ZBBX: variants seen among roughly 807,000 people sequenced by gnomAD.
ZBBX encodes zinc finger B-box domain-containing protein 1.
ZBBX carries 101 observed loss-of-function variants against 108.5 expected under a neutral mutation model. That is an observed-to-expected ratio of 0.93 (90% confidence interval 0.79 to 1.10). The LOEUF (loss-of-function observed/expected upper bound fraction) is 1.10, where lower values mean the gene tolerates loss of function less well. Ranked by LOEUF, ZBBX falls within the 50% of genes least tolerant of loss-of-function variation. The pLI is 0.00. For missense variants in ZBBX, 1,009 were observed against 941.4 expected, an observed-to-expected ratio of 1.07 and a Z score of -0.94; for synonymous variants, 356 against 323.4, an observed-to-expected ratio of 1.10 and a Z score of -1.08.
At chr3:167,223,851 G>C in the ZBBX span, among the ~76,000 whole-genome samples, 2 of 151,770 alleles carry the variant, frequency 1.3e-5, no homozygotes, top group Admixed American at 6.6e-5. Flanking sequence ...TGTCCTTATT[G>C]CTCCACATAT....
intron 11 of ZBBX, among the ~76,000 whole-genome samples, chr3:167,325,685 C>G (rs79542997): frequency 6.6e-6 from 1 of 152,010 alleles, no homozygotes; most frequent in African/African-American, 2.4e-5. Context: ...TCATTTGACC[C>G]CACCACATAG....
At chr3:167,288,099 A>G (rs1730030266) in intron 19 of ZBBX, among the ~76,000 whole-genome samples, 1 of 152,096 alleles carries the variant, frequency 6.6e-6, no homozygotes, top group African/African-American at 2.4e-5. Context: ...CTCGGGGCCA[A>G]TCCAAGTGCT....
chr3:167,202,009 T>C, the ZBBX span, among the ~76,000 whole-genome samples: 6 of 152,118 alleles, frequency 3.9e-5, no homozygotes, highest in Non-Finnish European at 8.8e-5. Context: ...CCACTTGCAG[T>C]TTATAAAGTG....
At chr3:167,254,178 C>T (rs1723076616) in intron 20 of ZBBX, among the ~76,000 whole-genome samples, 1 of 152,122 alleles carries the variant, frequency 6.6e-6, no homozygotes, top group Non-Finnish European at 1.5e-5. Flanking sequence ...TTTTCTGGGA[C>T]ACACACACTG....
intron 20 of ZBBX, among the ~76,000 whole-genome samples, chr3:167,265,470 C>G (rs1288069421): frequency 6.6e-6 from 1 of 152,138 alleles, no homozygotes; most frequent in South Asian, 2.1e-4. Flanking sequence ...AGACAAAGCC[C>G]TCCTTACTCT....
the ZBBX span, among the ~76,000 whole-genome samples, chr3:167,189,317 T>C: frequency 6.6e-6 from 1 of 152,168 alleles, no homozygotes; most frequent in Admixed American, 6.5e-5. Context: ...TCTCTTCATA[T>C]TGGCATCTGG....
At chr3:167,251,690 T>A (rs770545424) in intron 20 of ZBBX, among the ~76,000 whole-genome samples, 1 of 152,152 alleles carries the variant, frequency 6.6e-6, no homozygotes, top group Non-Finnish European at 1.5e-5. Context: ...TAATATCTCA[T>A]ATATATAATT....
chr3:167,196,582 T>C, the ZBBX span, among the ~76,000 whole-genome samples: 1 of 152,152 alleles, frequency 6.6e-6, no homozygotes, highest in Non-Finnish European at 1.5e-5. Context: ...CCTTTTTCTG[T>C]AGCCCAGACT....
At chr3:167,258,775 T>G (rs1316823712) in intron 20 of ZBBX, among the ~76,000 whole-genome samples, 1 of 152,222 alleles carries the variant, frequency 6.6e-6, no homozygotes, top group South Asian at 2.1e-4. Context: ...GCATCACATT[T>G]ATTGACTTGA....
intron 20 of ZBBX, among the ~76,000 whole-genome samples, chr3:167,261,104 G>A (rs922515513): frequency 2.6e-5 from 4 of 152,078 alleles, no homozygotes; most frequent in Non-Finnish European, 4.4e-5. Flanking sequence ...TCTCTCTTCC[G>A]GGTCTAGCCA....
At chr3:167,312,976 A>G (rs1353846825) in intron 16 of ZBBX, among the ~76,000 whole-genome samples, 1 of 152,204 alleles carries the variant, frequency 6.6e-6, no homozygotes, top group Non-Finnish European at 1.5e-5. Context: ...TTTTCTTAAA[A>G]TTCTAGGTAG....
upstream of ZBBX, among the ~76,000 whole-genome samples, chr3:167,380,866 GCACACACA>G (rs59349359): frequency 8.2e-3 from 1,155 of 141,440 alleles, 13 homozygotes; most frequent in African/African-American, 0.028. Flanking sequence ...GCAAATATAT[GCACACACA>G]CACACACACA....
chr3:167,225,925 G>T, the ZBBX span, among the ~76,000 whole-genome samples: 3 of 151,444 alleles, frequency 2.0e-5, no homozygotes, highest in Non-Finnish European at 4.4e-5. Context: ...TATCCACAGG[G>T]TTCCTTTCAG....
chr3:167,231,456 C>T, the ZBBX span, among the ~76,000 whole-genome samples: 3 of 151,574 alleles, frequency 2.0e-5, no homozygotes, highest in Non-Finnish European at 4.4e-5. Flanking sequence ...CTAAGATGAC[C>T]TCTGAGAAAT....
intron 20 of ZBBX, among the ~76,000 whole-genome samples, chr3:167,272,656 C>T (rs1187866980): frequency 6.6e-6 from 1 of 152,196 alleles, no homozygotes; most frequent in Admixed American, 6.5e-5. Context: ...AAACACACCC[C>T]AAGTTATTAC....
chr3:167,394,869 A>C (rs1037095309), intron 1 of ZBBX, among the ~76,000 whole-genome samples: 1 of 152,076 alleles, frequency 6.6e-6, no homozygotes, highest in Admixed American at 6.6e-5. Context: ...TGTTCATTTC[A>C]GGAACACCTG....
chr3:167,374,924 A>T lies in ZBBX; in HGVS notation c.-131-1137T>A, dbSNP rs188986037. On this transcript the variant is annotated intron_variant, in intron 2 of 21. Coordinates refer to ENST00000675490, the MANE Select transcript of ZBBX (RefSeq NM_001199201.2). ...TAGCTCTTGGATAAGGGACTAATGA[A>T]TAGTTACACTTGCTTGGTGTGCAGG... 3.9e-5 allele frequency among the ~76,000 whole-genome samples: 6 copies of T among 152,330 alleles called. No homozygotes were observed. In the East Asian group the frequency reaches 1.2e-3, roughly 29 times the overall value.
chr3:167,363,368 C>T (rs531523193), intron 6 of ZBBX, among the ~76,000 whole-genome samples: 8 of 152,156 alleles, frequency 5.3e-5, no homozygotes, highest in Admixed American at 2.0e-4. Context: ...CCTGAGCAGA[C>T]GATATTGTCT....
the ZBBX span, among the ~76,000 whole-genome samples, chr3:167,191,116 A>C: frequency 2.0e-5 from 3 of 152,296 alleles, no homozygotes; most frequent in Middle Eastern, 0.01. Context: ...CATTCTAGAG[A>C]TCTAGGAGCA....
Sources: gnomAD v4.1 joint callset for allele counts (sites outside exome capture counted in the v4.1 genomes callset) on GRCh38, gnomAD v4.1.1 for gene constraint, MANE v1.5 for transcripts, NCBI Gene and HGNC (gene_info 2026-07-23, HGNC 2026-07-21) for gene names.